JPH1: variants seen among roughly 807,000 people sequenced by gnomAD.
JPH1 encodes the protein junctophilin 1, also known as junctophilin-1.
A neutral mutation model predicts 53.6 loss-of-function variants in JPH1; 12 were observed. The observed-to-expected ratio is 0.22, with a 90% CI of 0.14 to 0.36. The LOEUF (loss-of-function observed/expected upper bound fraction) is 0.36, where lower values mean the gene tolerates loss of function less well. Ranked by LOEUF, JPH1 falls within the 10% of genes least tolerant of loss-of-function variation. The pLI is 1.00. For synonymous variants in JPH1, 375 were observed against 363.8 expected, an observed-to-expected ratio of 1.03 and a Z score of -0.35; for missense variants, 808 against 905.5, an observed-to-expected ratio of 0.89 and a Z score of 1.38.
rs758799495 is a variant in JPH1 at position 74,315,644 on chromosome 8, C to A, written c.380-24G>T. ...ACCTTGGAGAGACCGCAAGAAAGCACCGTGAGTCGGGGGCAGAGCTGCACC... is the reference window on the plus strand; with the variant it reads ...ACCTTGGAGAGACCGCAAGAAAGCAACGTGAGTCGGGGGCAGAGCTGCACC... On this transcript the variant is annotated intron_variant, in intron 1 of 5. Coordinates refer to ENST00000342232, the MANE Select transcript of JPH1 (RefSeq NM_020647.4). This position sits in a 1 kb window ranked among gnomAD's most constrained non-coding sequence, Gnocchi z 6.3. The A allele has an allele frequency of 6.4e-7, 1 of 1,570,264 alleles. No homozygotes were observed. Among genetic ancestry groups the A allele is most frequent in the Non-Finnish European group, 8.6e-7 (1 of 1,163,500 alleles).
At position 74,321,263 on chromosome 8, in the gene JPH1, C is replaced by G; in HGVS notation, c.25G>C (p.Asp9His). 1 of 1,594,712 alleles carries G rather than the reference C, an allele frequency of 6.3e-7. No individual in the cohort carries two copies. Among genetic ancestry groups the G allele is most frequent in the Non-Finnish European group, 8.5e-7 (1 of 1,170,660 alleles). MTGGRFDF[D>H]DGGTYCGGWE... The stretch of plus-strand genomic sequence containing the variant: ...CCGCCGCAGTAGGTGCCGCCATCGT[C>G]GAAGTCGAACCTTCCGCCCGTCATT... Residue 9 changes from aspartate (D) to histidine (H), a missense_variant, in exon 1 of 6, where the codon GAC becomes CAC. Physicochemically the swap from Asp to His is moderately conservative, Grantham distance 81 (BLOSUM62 -1). Coordinates refer to ENST00000342232, the MANE Select transcript of JPH1 (RefSeq NM_020647.4). This position sits in a 1 kb window ranked among gnomAD's most constrained non-coding sequence, Gnocchi z 4.3.
At chr8:74,308,407 G>A (rs1807899282) in intron 2 of JPH1, among the ~76,000 whole-genome samples, 1 of 152,188 alleles carries the variant, frequency 6.6e-6, no homozygotes, top group Non-Finnish European at 1.5e-5. Context: ...CTTGACTATT[G>A]TTAGATTATA....
At chr8:74,267,805 T>A (rs1806578150) in intron 2 of JPH1, among the ~76,000 whole-genome samples, 2 of 152,024 alleles carry the variant, frequency 1.3e-5, no homozygotes, top group South Asian at 4.1e-4. Context: ...TGTCGGAAGG[T>A]GGGAAGGATG....
intron 2 of JPH1, among the ~76,000 whole-genome samples, chr8:74,283,946 T>C (rs912302836): frequency 6.6e-6 from 1 of 152,174 alleles, no homozygotes; most frequent in Non-Finnish European, 1.5e-5. Flanking sequence ...TTGGATGGGA[T>C]TTAAAGTCTG....
Position 74,321,386 on chromosome 8 carries a change from C to T in JPH1, c.-99G>A. 8.3e-7 allele frequency: 1 copy of T among 1,209,808 alleles called. No individual in the cohort carries two copies. The highest frequency in any genetic ancestry group is 1.7e-5 in the South Asian group (1 of 58,230). The allele number at this position is 1,209,808 out of a possible 1,614,324, so 74.9% of individuals were successfully genotyped here. On this transcript the variant is annotated 5_prime_UTR_variant, in exon 1 of 6. Coordinates refer to ENST00000342232, the MANE Select transcript of JPH1 (RefSeq NM_020647.4). The surrounding 1 kb of genome is among the most constrained non-coding windows in gnomAD (Gnocchi z 4.3). ...CGGGGGTGGGGGCCCGGCGGGCGAG[C>T]TCACGACAGCGCCCTGGGCAGCTCG... is the stretch of plus-strand genomic sequence containing the variant.
intron 4 of JPH1, among the ~76,000 whole-genome samples, chr8:74,239,080 T>G (rs1161003336): frequency 6.6e-6 from 1 of 152,188 alleles, no homozygotes; most frequent in Non-Finnish European, 1.5e-5. Flanking sequence ...TGGGGACTAT[T>G]AGGCAGAAGA....
chr8:74,284,634 G>C (rs1807107550), intron 2 of JPH1, among the ~76,000 whole-genome samples: 1 of 152,060 alleles, frequency 6.6e-6, no homozygotes, highest in South Asian at 2.1e-4. Flanking sequence ...AAATAAATCT[G>C]AATATGTTTA....
At chr8:74,253,011 G>A (rs1264022112) in intron 3 of JPH1, among the ~76,000 whole-genome samples, 8 of 151,946 alleles carry the variant, frequency 5.3e-5, no homozygotes, top group Admixed American at 3.3e-4. Flanking sequence ...AGGATACCCA[G>A]GAATTGAACT....
At chr8:74,302,791 G>C (rs1807720271) in intron 2 of JPH1, among the ~76,000 whole-genome samples, 1 of 152,092 alleles carries the variant, frequency 6.6e-6, no homozygotes, top group African/African-American at 2.4e-5. Flanking sequence ...AACCTGGTAG[G>C]GTATTTGCTT....
intron 3 of JPH1, among the ~76,000 whole-genome samples, chr8:74,255,240 G>A (rs1221169781): frequency 2.6e-5 from 4 of 151,946 alleles, no homozygotes; most frequent in African/African-American, 9.7e-5. Context: ...AAATAATGCT[G>A]CATATCTACA....
chr8:74,290,844 G>A (rs2131432040), intron 2 of JPH1, among the ~76,000 whole-genome samples: 1 of 152,242 alleles, frequency 6.6e-6, no homozygotes, highest in East Asian at 1.9e-4. Flanking sequence ...ACAACCATCT[G>A]ATCTTTGACA....
chr8:74,261,694 CT>C lies in JPH1; in HGVS notation c.1140-2192del, dbSNP rs200330381. On this transcript the variant is annotated intron_variant, in intron 2 of 5. Coordinates refer to ENST00000342232, the MANE Select transcript of JPH1 (RefSeq NM_020647.4). ...TTCTTTCAGTTTCTCAGAATCTAAA[CT>C]TTTTTCCCCCAAATGATTTTCCATT... Among the ~76,000 whole-genome samples, 1,247 of 152,204 alleles carry C rather than the reference CT, an allele frequency of 8.2e-3. 19 individuals are homozygous for C. The highest frequency in any genetic ancestry group is 0.023 in the South Asian group (112 of 4,824).
chr8:74,304,466 C>T (rs758365717), intron 2 of JPH1, among the ~76,000 whole-genome samples: 15 of 152,272 alleles, frequency 9.9e-5, no homozygotes, highest in Non-Finnish European at 1.8e-4. Context: ...AATGAGGGGG[C>T]AGTAAGCCCC....
At chr8:74,284,496 G>A (rs1465014562) in intron 2 of JPH1, among the ~76,000 whole-genome samples, 5 of 152,018 alleles carry the variant, frequency 3.3e-5, no homozygotes, top group Admixed American at 3.3e-4. Flanking sequence ...TGACAACTGT[G>A]CATGCTATTA....
Position 74,237,195 on chromosome 8 carries a change from A to C in JPH1, c.*15+13T>G. 6.8e-7 allele frequency: 1 copy of C among 1,476,152 alleles called. No individual in the cohort carries two copies. Among genetic ancestry groups the C allele is most frequent in the Non-Finnish European group, 9.4e-7 (1 of 1,069,154 alleles). The allele number at this position is 1,476,152 out of a possible 1,614,324, so 91.4% of individuals were successfully genotyped here. On this transcript the variant is annotated intron_variant, in intron 5 of 5. Coordinates refer to ENST00000342232, the MANE Select transcript of JPH1 (RefSeq NM_020647.4). ...TTACTATGATTTTAGATAGAAATTA[A>C]GGCGATTCTTACCTTTCCTAATTCC...
Position 74,259,424 on chromosome 8 carries a change from C to T in JPH1, c.1219G>A (p.Ala407Thr), listed in dbSNP as rs1450156347. ...TCAGGTGACAGCTCCCTGGCCACAGCTCTCGCGATGTCGCACTCCTGGCGA... is the reference window on the plus strand; with the variant it reads ...TCAGGTGACAGCTCCCTGGCCACAGTTCTCGCGATGTCGCACTCCTGGCGA... ...AARQECDIAR[A>T]VARELSPDFY... The change falls in exon 3 of 6, where the codon GCT becomes ACT. Residue 407 changes from alanine to threonine, a missense_variant. Around this residue, in one of 2 missense-constraint regions of JPH1, gnomAD observed 756 missense variants for 811.9 expected, o/e 0.93. Coordinates refer to ENST00000342232, the MANE Select transcript of JPH1 (RefSeq NM_020647.4). The T allele has an allele frequency of 6.2e-7, 1 of 1,613,964 alleles. No individual in the cohort carries two copies. Among genetic ancestry groups the T allele is most frequent in the East Asian group, 2.2e-5 (1 of 44,870 alleles).
At position 74,244,689 on chromosome 8, in the gene JPH1, T is replaced by C. The variant is rs370072711; in HGVS notation, c.1745A>G (p.His582Arg). 2.5e-6 allele frequency: 4 copies of C among 1,614,200 alleles called. No homozygotes were observed. Among genetic ancestry groups the C allele is most frequent in the Non-Finnish European group, 3.4e-6 (4 of 1,180,036 alleles). ...GSSQSSSALV[H>R]KPSANKWSPS... is the part of the protein sequence containing the mutation. ...ACTCCACTTGTTAGCGGATGGCTTGTGCACCAGTGCTGAGGAAGACTGGCT... is the reference window on the plus strand; with the variant it reads ...ACTCCACTTGTTAGCGGATGGCTTGCGCACCAGTGCTGAGGAAGACTGGCT... The change falls in exon 4 of 6, where the codon CAC becomes CGC. Residue 582 changes from histidine to arginine, a missense_variant. Around this residue, in one of 2 missense-constraint regions of JPH1, gnomAD observed 756 missense variants for 811.9 expected, o/e 0.93. Transcript: ENST00000342232.
chr8:74,305,373 C>G (rs1289456611), intron 2 of JPH1, among the ~76,000 whole-genome samples: 1 of 152,224 alleles, frequency 6.6e-6, no homozygotes, highest in Non-Finnish European at 1.5e-5. Context: ...CAGGTCAAAG[C>G]TGAAACTCAT....
intron 3 of JPH1, among the ~76,000 whole-genome samples, chr8:74,254,810 T>A (rs1321904107): frequency 6.6e-6 from 1 of 151,952 alleles, no homozygotes; most frequent in Admixed American, 6.5e-5. Context: ...TCAAAGAGAA[T>A]AAAATACCTA....
Sources: gnomAD v4.1 joint callset for allele counts (sites outside exome capture counted in the v4.1 genomes callset) on GRCh38, gnomAD v4.1.1 for gene constraint, gnomAD v4.1.1 regional missense constraint, Gnocchi (gnomAD v3.1) non-coding constraint, MANE v1.5 for transcripts, NCBI Gene and HGNC (gene_info 2026-07-23, HGNC 2026-07-21) for gene names.